The following CR1L variants were observed in gnomAD, a reference collection of about 807,000 sequenced individuals.
The protein encoded by CR1L is complement C3b/C4b receptor 1 like.
A neutral mutation model predicts 62.3 loss-of-function variants in CR1L; 59 were observed. That is an observed-to-expected ratio of 0.95 (90% CI 0.77 to 1.18). The LOEUF is 1.18. CR1L is among the 50% of genes most tolerant of loss of function. The pLI, the probability that CR1L is intolerant of heterozygous loss-of-function variation, is 0.00. For synonymous variants in CR1L, 279 were observed against 248.7 expected (o/e 1.12, Z -1.15); for missense variants, 700 against 702.8 (o/e 1.00, Z 0.04).
chr1:207,707,179 TA>T (rs972537219), intron 9 of CR1L, among the ~76,000 whole-genome samples: 1 of 152,194 alleles, frequency 6.6e-6, no homozygotes, highest in Non-Finnish European at 1.5e-5. Flanking sequence ...CTGTTCCATA[TA>T]GTAAGGGGAG....
Position 207,694,694 on chromosome 1 carries a change from C to T in CR1L, c.805C>T (p.His269Tyr), listed in dbSNP as rs755813401. The change falls in exon 5 of 12, where the codon CAT (histidine) becomes TAT (tyrosine). Residue 269 changes from histidine (H) to tyrosine (Y), a missense_variant. By Grantham distance (83) the His-to-Tyr change is moderately conservative. Coordinates refer to ENST00000508064, the MANE Select transcript of CR1L (RefSeq NM_175710.2). ...TGGCTTTGGCATGAAAGGGCCCTCC[C>T]ATGTGAAGTGCCAGGCCCTGAACAA... is the stretch of plus-strand genomic sequence containing the variant. ...QPGFGMKGPS[H>Y]VKCQALNKWE... The T allele has an allele frequency of 1.2e-6, 2 of 1,611,892 alleles. No individual in the cohort carries two copies. The highest frequency in any genetic ancestry group is 2.2e-5 in the South Asian group (2 of 90,992).
intron 11 of CR1L, 96 bp from the exon 12 acceptor site, chr1:207,723,521 GA>G (rs1654183963): frequency 9.6e-7 from 1 of 1,047,082 alleles, no homozygotes; most frequent in African/African-American, 1.6e-5. Context: ...TCTGAGTCCT[GA>G]ATAAAAATCA....
intron 10 of CR1L, chr1:207,710,727 C>T (rs554477080): frequency 1.1e-4 from 172 of 1,609,660 alleles, no homozygotes; most frequent in Middle Eastern, 4.5e-4. Context: ...CCCCCCGCAC[C>T]GTGTGCAATG....
intron 5 of CR1L, among the ~76,000 whole-genome samples, chr1:207,696,399 A>G (rs981068541): frequency 3.9e-5 from 6 of 152,236 alleles, no homozygotes; most frequent in Admixed American, 1.3e-4. Flanking sequence ...GAACCTAACC[A>G]GAGCCCAGCT....
intron 4 of CR1L, among the ~76,000 whole-genome samples, chr1:207,692,521 C>G (rs1350109254): frequency 6.6e-6 from 1 of 152,154 alleles, no homozygotes; most frequent in Non-Finnish European, 1.5e-5. Context: ...GCGTCCCTGC[C>G]CTCTGTGCCC....
At chr1:207,701,737 G>A in intron 9 of CR1L, 119 bp downstream of exon 9, 2 of 1,275,378 alleles carry the variant, frequency 1.6e-6, no homozygotes, top group South Asian at 1.2e-5. Context: ...TTTGAACACA[G>A]GTATTAACTC....
chr1:207,678,442 C>A (rs756861314), intron 3 of CR1L, 145 bp downstream of exon 3: 2 of 688,812 alleles, frequency 2.9e-6, no homozygotes, highest in Middle Eastern at 2.8e-4. Context: ...TAGCTCCTGA[C>A]TGAAATGGAC....
intron 9 of CR1L, among the ~76,000 whole-genome samples, chr1:207,703,783 C>T (rs1243539993): frequency 6.6e-6 from 1 of 152,108 alleles, no homozygotes; most frequent in Non-Finnish European, 1.5e-5. Flanking sequence ...AGTGAAACCC[C>T]GTCTCTATTA....
chr1:207,694,901 T>C, intron 5 of CR1L, 150 bp downstream of exon 5: 1 of 1,438,052 alleles, frequency 7.0e-7, no homozygotes, highest in Non-Finnish European at 9.3e-7. Context: ...TCAGAAGGTG[T>C]GTGTACATGC....
At chr1:207,698,243 G>A (rs1199629681) in intron 7 of CR1L, among the ~76,000 whole-genome samples, 2 of 152,024 alleles carry the variant, frequency 1.3e-5, no homozygotes, top group Non-Finnish European at 1.5e-5. Context: ...AAAATTGCAA[G>A]TAACAAAAAA....
At chr1:207,652,876 CT>C in intron 1 of CR1L, 1 of 367,566 alleles carries the variant, frequency 2.7e-6, no homozygotes, top group Non-Finnish European at 4.9e-6. Flanking sequence ...TTTTTGCAGA[CT>C]TTGAGAAATT....
chr1:207,684,943 T>C (rs1334952397), intron 4 of CR1L, among the ~76,000 whole-genome samples: 1 of 152,228 alleles, frequency 6.6e-6, no homozygotes, highest in African/African-American at 2.4e-5. Context: ...CTTCAGAATC[T>C]AAATTTACAA....
intron 5 of CR1L, 120 bp from the exon 6 acceptor site, chr1:207,697,383 G>A (rs1664114089): frequency 5.7e-6 from 9 of 1,584,626 alleles, no homozygotes; most frequent in Admixed American, 1.7e-5. Context: ...ATGTAATAAG[G>A]CTGTTATTCT....
intron 3 of CR1L, among the ~76,000 whole-genome samples, chr1:207,680,819 A>G (rs903306454): frequency 6.6e-6 from 1 of 152,186 alleles, no homozygotes; most frequent in African/African-American, 2.4e-5. Flanking sequence ...AGGGAGCAAT[A>G]ATCTTCCTTG....
chr1:207,676,977 T>A (rs149166423), intron 1 of CR1L, among the ~76,000 whole-genome samples: 1 of 152,286 alleles, frequency 6.6e-6, no homozygotes, highest in African/African-American at 2.4e-5. Flanking sequence ...TAGTGAAGTC[T>A]TCTTTTTCTT....
chr1:207,720,509 A>T (rs1348653926), intron 11 of CR1L, among the ~76,000 whole-genome samples: 4 of 152,046 alleles, frequency 2.6e-5, no homozygotes, highest in African/African-American at 9.7e-5. Context: ...AGAAAAAGGA[A>T]CCTTTGAGTA....
intron 3 of CR1L, among the ~76,000 whole-genome samples, chr1:207,679,153 A>ATTTTTTT (rs34703217): frequency 3.9e-4 from 35 of 90,278 alleles, no homozygotes; most frequent in African/African-American, 9.0e-4. Context: ...GCCCACCACC[A>ATTTTTTT]TTTTTTTTTT....
intron 10 of CR1L, 41 bp downstream of exon 10, chr1:207,708,304 C>T (rs376495454): frequency 2.0e-5 from 32 of 1,601,524 alleles, no homozygotes; most frequent in African/African-American, 1.3e-5. Context: ...CACCATTTAA[C>T]CCTAGAGTTG....
chr1:207,706,733 A>G (rs2102476251), intron 9 of CR1L, among the ~76,000 whole-genome samples: 1 of 152,328 alleles, frequency 6.6e-6, no homozygotes, highest in Non-Finnish European at 1.5e-5. Flanking sequence ...ATAAGCAAAG[A>G]CACAAAAATT....
Sources: gnomAD v4.1 joint callset for allele counts (sites outside exome capture counted in the v4.1 genomes callset) on GRCh38, gnomAD v4.1.1 for gene constraint, MANE v1.5 for transcripts, NCBI Gene and HGNC (gene_info 2026-07-23, HGNC 2026-07-21) for gene names.